Variants in SORBS2 observed in about 807,000 individuals in gnomAD.
SORBS2 encodes sorbin and SH3 domain containing 2.
SORBS2 carries 46 observed loss-of-function variants against 97.7 expected under a neutral mutation model. That is an observed-to-expected ratio of 0.47 (90% CI 0.37 to 0.60). The LOEUF (loss-of-function observed/expected upper bound fraction) is 0.60. Among genes scored for constraint, SORBS2 ranks in the 20% least tolerant of loss-of-function variants. The probability of loss-of-function intolerance (pLI) is 0.00; values close to 1 mark genes in which losing one functional copy is unlikely to be tolerated. For missense variants in SORBS2, 1,316 were observed against 1,282.3 expected, an observed-to-expected ratio of 1.03 and a Z score of -0.40; for synonymous variants, 476 against 473.4, an observed-to-expected ratio of 1.01 and a Z score of -0.07.
At chr4:185,895,342 C>T (rs537971460) in intron 1 of SORBS2, among the ~76,000 whole-genome samples, 1 of 152,352 alleles carries the variant, frequency 6.6e-6, no homozygotes, top group East Asian at 1.9e-4. Flanking sequence ...TCTATTGATC[C>T]ATCCCAACAC....
intron 13 of SORBS2, 145 bp from the exon 26 acceptor site, chr4:185,589,930 A>G: frequency 1.6e-6 from 1 of 606,122 alleles, no homozygotes; most frequent in South Asian, 1.9e-5. Context: ...GCATGTAAAT[A>G]GCATTCTATT....
chr4:185,889,282 G>A (rs1279895676), intron 1 of SORBS2, among the ~76,000 whole-genome samples: 3 of 152,032 alleles, frequency 2.0e-5, no homozygotes, highest in Non-Finnish European at 4.4e-5. Flanking sequence ...AGAATGAGGT[G>A]CAACAATGTT....
rs752037582 is a variant in SORBS2 at position 185,623,276 on chromosome 4, G to C, written c.1853C>G (p.Pro618Arg). The change falls in exon 7 of 15, where the codon CCT (proline) becomes CGT (arginine). Residue 618 changes from proline (P) to arginine (R), a missense_variant. Coordinates refer to ENST00000418609, the Ensembl canonical transcript of SORBS2. The surrounding 1 kb of genome is among the most constrained non-coding windows in gnomAD (Gnocchi z 6.4). ...TTTTGCCTTTTCAGTCTGTTTCTTA[G>C]GAGCCGAATTTTTTTTCCTCCGGAA... 3.1e-6 allele frequency: 5 copies of C among 1,614,110 alleles called. No individual in the cohort carries two copies. Among genetic ancestry groups the C allele is most frequent in the Non-Finnish European group, 4.2e-6 (5 of 1,180,032 alleles).
chr4:185,862,171 G>C (rs764298308), intron 1 of SORBS2, among the ~76,000 whole-genome samples: 9 of 152,220 alleles, frequency 5.9e-5, no homozygotes, highest in Non-Finnish European at 8.8e-5. Context: ...GCAAAAGAGA[G>C]AGAGAAGCAT....
intron 1 of SORBS2, among the ~76,000 whole-genome samples, chr4:185,805,242 T>G (rs1297771571): frequency 6.6e-6 from 1 of 152,166 alleles, no homozygotes; most frequent in East Asian, 1.9e-4. Flanking sequence ...TATATATATA[T>G]ATGTTTAATA....
At chr4:185,739,047 G>C (rs1395140662) in intron 2 of SORBS2, among the ~76,000 whole-genome samples, 1 of 152,236 alleles carries the variant, frequency 6.6e-6, no homozygotes, top group Non-Finnish European at 1.5e-5. Flanking sequence ...TTGCAAATGA[G>C]CTGTCAAGGT....
chr4:185,712,808 A>C (rs527271225), intron 2 of SORBS2, among the ~76,000 whole-genome samples: 1 of 152,300 alleles, frequency 6.6e-6, no homozygotes, highest in Admixed American at 6.5e-5. Flanking sequence ...CAGGCTGAGT[A>C]AATGAGGCAC....
chr4:185,901,575 G>T (rs2099247813), intron 1 of SORBS2, among the ~76,000 whole-genome samples: 1 of 152,060 alleles, frequency 6.6e-6, no homozygotes, highest in Non-Finnish European at 1.5e-5. Flanking sequence ...CTGTTTGGGG[G>T]TTATTCTATA....
At chr4:185,624,136 G>C in exon 7 of SORBS2, 1 of 1,614,236 alleles carries the variant, frequency 6.2e-7, no homozygotes, top group Non-Finnish European at 8.5e-7. Flanking sequence ...GAACCTCCGG[G>C]ACGTAGGGGG....
upstream of SORBS2, among the ~76,000 whole-genome samples, chr4:185,660,709 C>G (rs923062616): frequency 3.3e-5 from 5 of 152,142 alleles, no homozygotes; most frequent in Non-Finnish European, 5.9e-5. Context: ...GGTGCACTGT[C>G]TGTGTCAAAG....
chr4:185,677,422 A>G (rs1315673095), intron 4 of SORBS2: 2 of 1,552,278 alleles, frequency 1.3e-6, no homozygotes, highest in Admixed American at 2.0e-5. Flanking sequence ...TTTTGTGTAT[A>G]TGACATGGTT....
chr4:185,813,070 G>A (rs1260972418), intron 1 of SORBS2: 1 of 152,180 alleles, frequency 6.6e-6, no homozygotes, highest in African/African-American at 2.4e-5. Flanking sequence ...ATCTTCTGCA[G>A]AACCCCCAGG....
At chr4:185,915,311 C>A (rs1294984783) in intron 1 of SORBS2, among the ~76,000 whole-genome samples, 9 of 152,162 alleles carry the variant, frequency 5.9e-5, no homozygotes. Flanking sequence ...AAGGGCACTG[C>A]CATAGACTCA....
At chr4:185,943,651 C>T (rs1490708912) in intron 1 of SORBS2, among the ~76,000 whole-genome samples, 1 of 152,090 alleles carries the variant, frequency 6.6e-6, no homozygotes, top group Non-Finnish European at 1.5e-5. Flanking sequence ...AGATGAAATT[C>T]CTGAGCCTCC....
exon 1 of SORBS2, chr4:185,656,842 C>A: frequency 7.4e-7 from 1 of 1,348,448 alleles, no homozygotes. Context: ...ACTTATCATC[C>A]CAGGAGAGCT....
At chr4:185,700,358 T>TC (rs2098243294) in intron 2 of SORBS2, among the ~76,000 whole-genome samples, 3 of 71,514 alleles carry the variant, frequency 4.2e-5, no homozygotes, top group African/African-American at 1.4e-4. Flanking sequence ...CTGTGCTGGG[T>TC]GGGGGGAGGG....
At chr4:185,945,825 G>A (rs559613008) in intron 1 of SORBS2, among the ~76,000 whole-genome samples, 1 of 152,278 alleles carries the variant, frequency 6.6e-6, no homozygotes, top group East Asian at 1.9e-4. Context: ...AGGGCTTCGG[G>A]CCGGAGTAAG....
chr4:185,821,179 A>G (rs1266168514), intron 1 of SORBS2, among the ~76,000 whole-genome samples: 3 of 152,192 alleles, frequency 2.0e-5, no homozygotes, highest in Non-Finnish European at 2.9e-5. Context: ...CCAAGGGGCC[A>G]CACGCGAGCT....
chr4:185,879,124 AACTCGCCATTT>A (rs1166974440), intron 1 of SORBS2, among the ~76,000 whole-genome samples: 1 of 144,302 alleles, frequency 6.9e-6, no homozygotes, highest in East Asian at 1.9e-4. Context: ...TGCACCCATT[AACTCGCCATTT>A]ACATTAGGTA....
Sources: allele counts gnomAD v4.1 joint callset (sites outside exome capture counted in the v4.1 genomes callset), GRCh38; gene constraint gnomAD v4.1.1; non-coding constraint Gnocchi (gnomAD v3.1); transcripts MANE v1.5; gene names NCBI Gene and HGNC (gene_info 2026-07-23, HGNC 2026-07-21).